The following CPED1 variants were observed in gnomAD, a reference collection of about 807,000 sequenced individuals.
CPED1 encodes the protein cadherin-like and PC-esterase domain-containing protein 1.
In CPED1, 114 loss-of-function variants were observed where a neutral mutation model predicts 128.2. That is an observed-to-expected ratio of 0.89 (90% CI 0.76 to 1.04). The LOEUF (loss-of-function observed/expected upper bound fraction) is 1.04, where lower values mean the gene tolerates loss of function less well. CPED1 is among the 50% of genes least tolerant of loss of function. The pLI, the probability that CPED1 is intolerant of heterozygous loss-of-function variation, is 0.00. For missense variants in CPED1, 1,211 were observed against 1,207.1 expected (o/e 1.00, Z -0.05); for synonymous variants, 462 against 426.7 (o/e 1.08, Z -1.02).
chr7:121,119,135 C>CTT (rs202203893), intron 7 of CPED1, among the ~76,000 whole-genome samples: 34 of 146,640 alleles, frequency 2.3e-4, no homozygotes, highest in South Asian at 6.5e-4. Flanking sequence ...TTTGGAAGAA[C>CTT]TTTTTTTTTT....
rs754696255 is a variant in CPED1, at chr7:121,266,244, T to C, written c.2328T>C (p.Asp776=). The stretch of plus-strand genomic sequence containing the variant: ...ACTTATAGATTCTGTTCATTGGAGA[T>C]TCAACCAACAGAGGGATCATGTACT... ...LGGRKILFIG[D]STNRGIMYYL... is the part of the protein sequence containing the mutation. Residue 776 remains aspartate (D), a synonymous_variant, in exon 19 of 23, where the codon GAT becomes GAC. Coordinates refer to ENST00000310396, the MANE Select transcript of CPED1 (RefSeq NM_024913.5). The C allele has an allele frequency of 1.2e-6, 2 of 1,612,414 alleles. No homozygotes were observed. The highest frequency in any genetic ancestry group is 1.7e-6 in the Non-Finnish European group (2 of 1,178,852).
intron 2 of CPED1, among the ~76,000 whole-genome samples, chr7:121,004,933 AT>A (rs771726204): frequency 7.9e-5 from 12 of 152,350 alleles, no homozygotes; most frequent in Non-Finnish European, 1.3e-4. Flanking sequence ...CACTGTATGT[AT>A]GACATCATGC....
At chr7:121,289,776 T>C (rs117398604) in intron 22 of CPED1, among the ~76,000 whole-genome samples, 3,690 of 152,308 alleles carry the variant, frequency 0.024, 124 homozygotes, top group South Asian at 0.13. Flanking sequence ...ATTAAAATGA[T>C]GAAATTCATA....
intron 16 of CPED1, among the ~76,000 whole-genome samples, chr7:121,230,852 A>G (rs749063183): frequency 2.6e-5 from 4 of 152,078 alleles, no homozygotes; most frequent in Non-Finnish European, 4.4e-5. Context: ...TGTTCTCTTT[A>G]GGAGAGCAAA....
intron 2 of CPED1, among the ~76,000 whole-genome samples, chr7:121,010,028 G>T (rs1336327923): frequency 6.6e-6 from 1 of 152,014 alleles, no homozygotes; most frequent in Admixed American, 6.6e-5. Flanking sequence ...TTAGAACCTG[G>T]CAGTAAGTTG....
At chr7:121,141,891 T>G (rs1318311667) in intron 15 of CPED1, 82 bp from the exon 16 acceptor site, 1 of 1,077,102 alleles carries the variant, frequency 9.3e-7, no homozygotes, top group Admixed American at 2.0e-5. Flanking sequence ...AGGTATTTAG[T>G]AAATATTGAT....
At chr7:121,007,803 C>A (rs1792061603) in intron 2 of CPED1, among the ~76,000 whole-genome samples, 1 of 152,040 alleles carries the variant, frequency 6.6e-6, no homozygotes, top group South Asian at 2.1e-4. Flanking sequence ...GTTGCTGCTT[C>A]TCTTTGCTCT....
At chr7:121,032,266 C>A (rs1413859579) in intron 3 of CPED1, among the ~76,000 whole-genome samples, 1 of 151,962 alleles carries the variant, frequency 6.6e-6, no homozygotes, top group Non-Finnish European at 1.5e-5. Flanking sequence ...GATTGCTATA[C>A]AAATTTTTAG....
At chr7:121,126,884 A>C (rs186386517) in intron 9 of CPED1, among the ~76,000 whole-genome samples, 26 of 152,234 alleles carry the variant, frequency 1.7e-4, no homozygotes, top group African/African-American at 6.0e-4. Flanking sequence ...TAATTTTCTT[A>C]TACTGTACAT....
intron 18 of CPED1, among the ~76,000 whole-genome samples, chr7:121,245,161 A>C (rs1798495940): frequency 6.6e-6 from 1 of 152,358 alleles, no homozygotes; most frequent in South Asian, 2.1e-4. Flanking sequence ...AGGCCTGGGC[A>C]GAAGGTATGC....
chr7:121,002,751 G>A (rs981716150), intron 2 of CPED1, among the ~76,000 whole-genome samples: 41 of 152,102 alleles, frequency 2.7e-4, no homozygotes, highest in African/African-American at 7.2e-4. Flanking sequence ...CTGTATTTGC[G>A]GAAATATATT....
chr7:121,098,801 T>A (rs13308980), intron 6 of CPED1, among the ~76,000 whole-genome samples: 16 of 142,712 alleles, frequency 1.1e-4, no homozygotes, highest in Non-Finnish European at 1.8e-4. Context: ...AAAATATATA[T>A]AAATATATAA....
At chr7:121,278,556 T>C (rs1240728897) in intron 22 of CPED1, among the ~76,000 whole-genome samples, 3 of 152,194 alleles carry the variant, frequency 2.0e-5, no homozygotes, top group Non-Finnish European at 4.4e-5. Context: ...ACTCCTTTTT[T>C]AGAAATGTAG....
intron 16 of CPED1, among the ~76,000 whole-genome samples, chr7:121,178,650 T>A (rs1345172070): frequency 6.6e-6 from 1 of 151,742 alleles, no homozygotes; most frequent in African/African-American, 2.4e-5. Flanking sequence ...ATGCCAGGAG[T>A]GACAGAACCA....
At chr7:121,172,908 G>A (rs913414762) in intron 16 of CPED1, among the ~76,000 whole-genome samples, 2 of 152,146 alleles carry the variant, frequency 1.3e-5, no homozygotes, top group African/African-American at 4.8e-5. Context: ...GCTTACAGAT[G>A]TCCAGTGATT....
At chr7:121,179,695 T>C (rs1453733782) in intron 16 of CPED1, among the ~76,000 whole-genome samples, 1 of 152,104 alleles carries the variant, frequency 6.6e-6, no homozygotes, top group African/African-American at 2.4e-5. Flanking sequence ...TAATGACTTA[T>C]AAACCCAACA....
intron 5 of CPED1, among the ~76,000 whole-genome samples, chr7:121,075,367 C>T (rs572372715): frequency 3.9e-5 from 6 of 152,090 alleles, no homozygotes; most frequent in East Asian, 1.9e-4. Flanking sequence ...TGTATACTAC[C>T]GTTAATTTTA....
intron 16 of CPED1, among the ~76,000 whole-genome samples, chr7:121,187,187 T>C (rs1797021756): frequency 6.6e-6 from 1 of 152,184 alleles, no homozygotes; most frequent in African/African-American, 2.4e-5. Context: ...TTATGCTAAG[T>C]GCTGTAAATG....
intron 7 of CPED1, among the ~76,000 whole-genome samples, chr7:121,115,825 G>A (rs1795222598): frequency 6.6e-6 from 1 of 152,094 alleles, no homozygotes; most frequent in South Asian, 2.1e-4. Context: ...TGACCTGCTC[G>A]AACAATGGCA....
Sources: allele counts gnomAD v4.1 joint callset (sites outside exome capture counted in the v4.1 genomes callset), GRCh38; gene constraint gnomAD v4.1.1; transcripts MANE v1.5; gene names NCBI Gene and HGNC (gene_info 2026-07-23, HGNC 2026-07-21).